GTF2F2: variants seen among roughly 807,000 people sequenced by gnomAD.
The protein encoded by GTF2F2 is ATP-dependent helicase GTF2F2.
GTF2F2 carries 23 observed loss-of-function variants against 42.2 expected under a neutral mutation model. That is an observed-to-expected ratio of 0.55 (90% CI 0.39 to 0.77). The LOEUF (loss-of-function observed/expected upper bound fraction) is 0.77. Among genes scored for constraint, GTF2F2 ranks in the 30% least tolerant of loss-of-function variants. GTF2F2 has a pLI of 0.00. For synonymous variants in GTF2F2, 105 were observed against 100.8 expected (o/e 1.04, Z -0.25); for missense variants, 261 against 287.2 (o/e 0.91, Z 0.66).
chr13:45,166,627 A>G (rs371357629), intron 4 of GTF2F2, among the ~76,000 whole-genome samples: 4 of 152,214 alleles, frequency 2.6e-5, no homozygotes, highest in African/African-American at 9.6e-5. Context: ...AATCTTGTCA[A>G]TCCACTATGA....
At chr13:45,192,672 C>T (rs1872709258) in intron 4 of GTF2F2, among the ~76,000 whole-genome samples, 1 of 152,088 alleles carries the variant, frequency 6.6e-6, no homozygotes, top group Non-Finnish European at 1.5e-5. Flanking sequence ...AACGGCCATA[C>T]ATAAAACGTA....
intron 4 of GTF2F2, among the ~76,000 whole-genome samples, chr13:45,189,145 A>G (rs567312803): frequency 2.6e-5 from 4 of 152,264 alleles, no homozygotes; most frequent in East Asian, 1.9e-4. Flanking sequence ...GAGTGAGAAC[A>G]TGTGGTGTTT....
At chr13:45,186,513 G>A (rs866478227) in intron 4 of GTF2F2, among the ~76,000 whole-genome samples, 1 of 151,144 alleles carries the variant, frequency 6.6e-6, no homozygotes, top group African/African-American at 2.4e-5. Flanking sequence ...AGCTGGTCTC[G>A]AACTCCTGAC....
intron 3 of GTF2F2, among the ~76,000 whole-genome samples, chr13:45,150,706 G>T (rs1237958409): frequency 1.5e-5 from 2 of 129,620 alleles, no homozygotes; most frequent in Non-Finnish European, 3.1e-5. Flanking sequence ...GTCATGCCCG[G>T]CTAATTTTTG....
At chr13:45,191,419 T>G (rs1872652513) in intron 4 of GTF2F2, among the ~76,000 whole-genome samples, 1 of 151,226 alleles carries the variant, frequency 6.6e-6, no homozygotes, top group African/African-American at 2.4e-5. Flanking sequence ...TGGAACAGTA[T>G]TTACTTATGA....
chr13:45,276,170 T>G (rs7996231), intron 7 of GTF2F2, among the ~76,000 whole-genome samples: 64,960 of 152,090 alleles, frequency 0.43, 17,020 homozygotes, highest in African/African-American at 0.73. Flanking sequence ...ATCCATGGAC[T>G]TGTAACGCAA....
chr13:45,208,676 C>G (rs941324258), intron 5 of GTF2F2, among the ~76,000 whole-genome samples: 11 of 152,152 alleles, frequency 7.2e-5, no homozygotes, highest in Non-Finnish European at 1.5e-5. Flanking sequence ...TGGATCATCT[C>G]AAAATTTTGC....
At chr13:45,174,162 A>G (rs1871745940) in intron 4 of GTF2F2, among the ~76,000 whole-genome samples, 1 of 152,190 alleles carries the variant, frequency 6.6e-6, no homozygotes, top group Non-Finnish European at 1.5e-5. Flanking sequence ...GCTGTTGTGA[A>G]CATTTGTGTA....
chr13:45,151,850 A>T lies in GTF2F2; in HGVS notation c.304+19A>T. 1 of 1,160,608 alleles carries T rather than the reference A, an allele frequency of 8.6e-7. No homozygotes were observed. Among genetic ancestry groups the T allele is most frequent in the Non-Finnish European group, 1.2e-6 (1 of 861,824 alleles). 71.9% of individuals were successfully genotyped at this position (1,160,608 alleles called of 1,614,324 possible). A position where few individuals can be genotyped will look rare whatever the true frequency, so the allele number is the denominator to read the frequency against. The stretch of plus-strand genomic sequence containing the variant: ...TCATCAGGTAAGTGGGAATGGAATT[A>T]TTTAATGTGATTCCTGTACATTTTG... On this transcript the variant is annotated intron_variant, in intron 4 of 7. Transcript: ENST00000340473.
intron 5 of GTF2F2, among the ~76,000 whole-genome samples, chr13:45,244,030 T>C (rs1285537746): frequency 6.6e-6 from 1 of 152,232 alleles, no homozygotes; most frequent in African/African-American, 2.4e-5. Context: ...CCAATATGCA[T>C]ATACAGTGGC....
At chr13:45,124,174 G>A (rs925771343) in intron 1 of GTF2F2, 31 of 492,442 alleles carry the variant, frequency 6.3e-5, no homozygotes, top group African/African-American at 1.7e-4. Flanking sequence ...GCTCCACCTC[G>A]TGGGTTCAAG....
At chr13:45,189,891 G>C (rs548504113) in intron 4 of GTF2F2, among the ~76,000 whole-genome samples, 1 of 152,124 alleles carries the variant, frequency 6.6e-6, no homozygotes, top group South Asian at 2.1e-4. Flanking sequence ...ATACTATTCA[G>C]GATGGTATTG....
chr13:45,130,770 G>C (rs965951229), intron 1 of GTF2F2, among the ~76,000 whole-genome samples: 2 of 152,170 alleles, frequency 1.3e-5, no homozygotes, highest in African/African-American at 4.8e-5. Flanking sequence ...GTTTATGAGG[G>C]AGAAATTAGT....
At chr13:45,276,440 T>A (rs868738665) in intron 7 of GTF2F2, among the ~76,000 whole-genome samples, 36 of 53,174 alleles carry the variant, frequency 6.8e-4, no homozygotes, top group South Asian at 3.4e-4. Flanking sequence ...ACTGCTAGAC[T>A]TTTTTTTTTT....
intron 5 of GTF2F2, among the ~76,000 whole-genome samples, chr13:45,215,021 TC>T (rs1312399995): frequency 6.6e-6 from 1 of 152,192 alleles, no homozygotes; most frequent in Non-Finnish European, 1.5e-5. Context: ...AAACACAGGT[TC>T]CCATATGATT....
In GTF2F2 at chr13:45,283,928, A is replaced by G. The variant is rs1877366044; in HGVS notation, c.*367A>G. On this transcript the variant is annotated 3_prime_UTR_variant, in exon 8 of 8. Coordinates refer to ENST00000340473, the MANE Select transcript of GTF2F2 (RefSeq NM_004128.3). ...AAGGAGCTGAGGTAATACAGATCCAAGGAGAATTGTATAGCAAGAAAAAAA... is the reference window on the plus strand; with the variant it reads ...AAGGAGCTGAGGTAATACAGATCCAGGGAGAATTGTATAGCAAGAAAAAAA... 1 of 152,698 alleles carries G rather than the reference A, an allele frequency of 6.5e-6. No homozygotes were observed. Among genetic ancestry groups the G allele is most frequent in the Non-Finnish European group, 1.5e-5 (1 of 68,394 alleles). 9.5% of individuals were successfully genotyped at this position (152,698 alleles called of 1,614,324 possible). A position where few individuals can be genotyped will look rare whatever the true frequency, so the allele number is the denominator to read the frequency against.
chr13:45,141,860 A>T (rs1255638133), intron 2 of GTF2F2, among the ~76,000 whole-genome samples: 2 of 152,148 alleles, frequency 1.3e-5, no homozygotes, highest in Non-Finnish European at 2.9e-5. Context: ...AAACATTGTT[A>T]TGTTTTAAAT....
chr13:45,225,992 G>A (rs1446486691), intron 5 of GTF2F2, among the ~76,000 whole-genome samples: 2 of 151,820 alleles, frequency 1.3e-5, no homozygotes, highest in East Asian at 3.9e-4. Flanking sequence ...GTTGGAATTA[G>A]GAAAAATGCA....
At chr13:45,258,612 G>A (rs1237876471) in intron 6 of GTF2F2, among the ~76,000 whole-genome samples, 4 of 152,154 alleles carry the variant, frequency 2.6e-5, no homozygotes, top group African/African-American at 9.7e-5. Flanking sequence ...AGCTATCACG[G>A]TGTTCAATGT....
Sources: allele counts gnomAD v4.1 joint callset (sites outside exome capture counted in the v4.1 genomes callset), GRCh38; gene constraint gnomAD v4.1.1; transcripts MANE v1.5; gene names NCBI Gene and HGNC (gene_info 2026-07-23, HGNC 2026-07-21).